SPATA31H1: variants seen among roughly 807,000 people sequenced by gnomAD.
SPATA31H1 encodes spermatogenesis-associated protein 31H1.
At chr2:27,571,955 T>C in the SPATA31H1 span, 2 of 398,306 alleles carry the variant, frequency 5.0e-6, no homozygotes, top group Admixed American at 4.4e-5. Flanking sequence ...CTGAACAGGA[T>C]GGTCAGATAT....
chr2:27,580,955 A>C, the SPATA31H1 span: 1 of 1,614,186 alleles, frequency 6.2e-7, no homozygotes, highest in Non-Finnish European at 8.5e-7. Flanking sequence ...CAGATTCCCA[A>C]AGTGGTATTG....
the SPATA31H1 span, chr2:27,568,995 G>A: frequency 2.5e-6 from 1 of 398,908 alleles, no homozygotes; most frequent in African/African-American, 2.1e-5. Context: ...GTTGACCTCT[G>A]ACAACTGTCA....
the SPATA31H1 span, among the ~76,000 whole-genome samples, chr2:27,554,320 G>A: frequency 1.3e-5 from 2 of 151,904 alleles, no homozygotes; most frequent in African/African-American, 4.9e-5. Flanking sequence ...GGTGTTTGTG[G>A]CAACAGCACC....
At chr2:27,538,164 C>A in the SPATA31H1 span, among the ~76,000 whole-genome samples, 5 of 152,106 alleles carry the variant, frequency 3.3e-5, no homozygotes, top group African/African-American at 1.2e-4. Context: ...GCTTTGAACG[C>A]CAGGCTGAAT....
chr2:27,563,331 T>G, the SPATA31H1 span, among the ~76,000 whole-genome samples: 1 of 151,172 alleles, frequency 6.6e-6, no homozygotes, highest in Non-Finnish European at 1.5e-5. Flanking sequence ...ATCAGAGTTT[T>G]CATATTCATT....
the SPATA31H1 span, chr2:27,566,406 G>T: frequency 2.8e-6 from 2 of 716,784 alleles, no homozygotes; most frequent in Middle Eastern, 2.3e-4. Flanking sequence ...TAGTTTCTGG[G>T]TGGGGATTGA....
chr2:27,577,163 G>T, the SPATA31H1 span: 1 of 1,614,018 alleles, frequency 6.2e-7, no homozygotes, highest in South Asian at 1.1e-5. This position sits in a 1 kb window ranked among gnomAD's most constrained non-coding sequence, Gnocchi z 4.5. Context: ...GGATGCTGCT[G>T]CAGCCAGATC....
At chr2:27,558,818 G>A in the SPATA31H1 span, among the ~76,000 whole-genome samples, 1 of 114,330 alleles carries the variant, frequency 8.7e-6, no homozygotes, top group African/African-American at 3.4e-5. Flanking sequence ...GGAGAATCAG[G>A]CAGGGAGGTT....
At chr2:27,576,490 C>A in the SPATA31H1 span, 1 of 1,067,586 alleles carries the variant, frequency 9.4e-7, no homozygotes, top group Non-Finnish European at 1.3e-6. Flanking sequence ...GTAAATTCTT[C>A]AGGGTTGACA....
At chr2:27,577,640 T>C in the SPATA31H1 span, 1 of 1,614,096 alleles carries the variant, frequency 6.2e-7, no homozygotes, top group African/African-American at 1.3e-5. This position sits in a 1 kb window ranked among gnomAD's most constrained non-coding sequence, Gnocchi z 4.5. Flanking sequence ...GGTTAGGACA[T>C]CGAGTTCCTG....
the SPATA31H1 span, chr2:27,580,039 C>T: frequency 8.1e-6 from 13 of 1,614,182 alleles, no homozygotes; most frequent in Non-Finnish European, 1.0e-5. Flanking sequence ...GTACGCACTC[C>T]TGAAGGCCAT....
At chr2:27,548,768 T>A in the SPATA31H1 span, among the ~76,000 whole-genome samples, 1 of 151,744 alleles carries the variant, frequency 6.6e-6, no homozygotes, top group Non-Finnish European at 1.5e-5. Context: ...TTCTGTCCAT[T>A]TATTTATGTG....
chr2:27,570,707 G>C, the SPATA31H1 span: 3 of 398,824 alleles, frequency 7.5e-6, no homozygotes, highest in Non-Finnish European at 8.8e-6. Context: ...GGCCAAAGAT[G>C]CAAGGGGTAC....
chr2:27,572,447 G>A, the SPATA31H1 span: 1 of 397,890 alleles, frequency 2.5e-6, no homozygotes, highest in Non-Finnish European at 4.4e-6. Context: ...CCATACAGTT[G>A]GGAGATATGA....
the SPATA31H1 span, among the ~76,000 whole-genome samples, chr2:27,539,916 G>A: frequency 4.4e-5 from 5 of 114,644 alleles, no homozygotes; most frequent in South Asian, 1.0e-3. Context: ...CCGGGCGGGG[G>A]GCTGACCCCC....
the SPATA31H1 span, among the ~76,000 whole-genome samples, chr2:27,541,653 G>A: frequency 6.6e-6 from 1 of 151,930 alleles, no homozygotes; most frequent in Admixed American, 6.5e-5. Context: ...GTGGTGGGAG[G>A]CAGAATATGA....
chr2:27,578,485 C>G, the SPATA31H1 span: 1 of 1,613,938 alleles, frequency 6.2e-7, no homozygotes, highest in Non-Finnish European at 8.5e-7. Context: ...CTTCCAAGGC[C>G]ACATCTTCAA....
the SPATA31H1 span, among the ~76,000 whole-genome samples, chr2:27,540,355 C>A: frequency 7.3e-4 from 77 of 105,118 alleles, no homozygotes; most frequent in East Asian, 2.6e-3. Context: ...CGGGCAGAGG[C>A]GCCCCTCACC....
the SPATA31H1 span, among the ~76,000 whole-genome samples, chr2:27,564,846 T>C: frequency 6.6e-6 from 1 of 152,154 alleles, no homozygotes; most frequent in Admixed American, 6.5e-5. Flanking sequence ...CAAATGTCAT[T>C]ACTGCCTTTA....
Sources: gnomAD v4.1 joint callset for allele counts (sites outside exome capture counted in the v4.1 genomes callset) on GRCh38, gnomAD v4.1.1 for gene constraint, Gnocchi (gnomAD v3.1) non-coding constraint, MANE v1.5 for transcripts, NCBI Gene and HGNC (gene_info 2026-07-23, HGNC 2026-07-21) for gene names.